Variants in STAT3 observed in about 807,000 individuals in gnomAD.
STAT3 encodes DNA-binding protein APRF.
In STAT3, 7 loss-of-function variants were observed where a neutral mutation model predicts 114.3. The ratio of observed to expected loss-of-function variants is 0.06; its 90% CI spans 0.03 to 0.11. The LOEUF is 0.11. Among genes scored for constraint, STAT3 ranks in the 10% least tolerant of loss-of-function variants. STAT3 has a pLI of 1.00. For synonymous variants in STAT3, 331 were observed against 354.5 expected, an observed-to-expected ratio of 0.93 and a Z score of 0.74; for missense variants, 364 against 960.9, an observed-to-expected ratio of 0.38 and a Z score of 8.21.
In STAT3 at chr17:42,348,380, A is replaced by G. The variant is rs765626029; in HGVS notation, c.128+9T>C. 2.5e-6 allele frequency: 4 copies of G among 1,614,094 alleles called. No homozygotes were observed. The highest frequency in any genetic ancestry group is 1.1e-5 in the South Asian group (1 of 91,078). On this transcript the variant is annotated intron_variant, in intron 2 of 23. Transcript: ENST00000264657. ...TAACAATTTGGAGAGTCACTTAAGA[A>G]GGACTTACCAATCTTGACTCTCAAT...
chr17:42,322,006 G>A (rs2081505024), intron 21 of STAT3, among the ~76,000 whole-genome samples: 1 of 151,910 alleles, frequency 6.6e-6, no homozygotes, highest in African/African-American at 2.4e-5. Context: ...TGGATTTTTT[G>A]TAGAGACGAG....
chr17:42,316,623 G>A, intron 23 of STAT3, 166 bp downstream of exon 23: 1 of 1,520,032 alleles, frequency 6.6e-7, no homozygotes, highest in East Asian at 2.5e-5. Context: ...GCTGCTAGAA[G>A]ATTTATACTC....
intron 1 of STAT3, among the ~76,000 whole-genome samples, chr17:42,364,249 T>C (rs2083663641): frequency 6.6e-6 from 1 of 152,204 alleles, no homozygotes; most frequent in South Asian, 2.1e-4. Context: ...TTGGTTATCT[T>C]GAATTTCGAG....
At chr17:42,334,143 C>T in intron 8 of STAT3, 94 bp from the exon 9 acceptor site, 3 of 1,434,468 alleles carry the variant, frequency 2.1e-6, no homozygotes, top group Non-Finnish European at 2.9e-6. Flanking sequence ...ATGGAGACCA[C>T]TACAATAAGA....
chr17:42,388,327 G>A lies in STAT3; in HGVS notation c.-72C>T, dbSNP rs1056312540. On this transcript the variant is annotated 5_prime_UTR_variant, in exon 1 of 24. Coordinates refer to ENST00000264657, the MANE Select transcript of STAT3 (RefSeq NM_139276.3). ...AGGCCGGGGCTGCGCGTGTGCCGGGGACGGGCGGCGAGGCTCCCTCAGGCC... is the reference window on the plus strand; with the variant it reads ...AGGCCGGGGCTGCGCGTGTGCCGGGAACGGGCGGCGAGGCTCCCTCAGGCC... 1 of 1,231,984 alleles carries A rather than the reference G, an allele frequency of 8.1e-7. No individual in the cohort carries two copies. Among genetic ancestry groups the A allele is most frequent in the Non-Finnish European group, 1.0e-6 (1 of 988,202 alleles). 76.3% of individuals were successfully genotyped at this position (1,231,984 alleles called of 1,614,324 possible).
At position 42,331,668 on chromosome 17, in the gene STAT3, C is replaced by T. The variant is rs1015669302; in HGVS notation, c.1050-137G>A. ...GCTGTCTATAATTACAGGCTCACAT[C>T]TATAATCTCAGCACTGTGGGAGGCC... On this transcript the variant is annotated intron_variant, in intron 10 of 23. Transcript: ENST00000264657. The T allele has an allele frequency of 4.1e-6, 3 of 732,260 alleles. No homozygotes were observed. In the African/African-American group the frequency reaches 5.3e-5, roughly 13 times the overall value. The allele number at this position is 732,260 out of a possible 1,614,324, so 45.4% of individuals were successfully genotyped here.
chr17:42,387,694 A>C (rs959728683), intron 1 of STAT3: 1 of 152,066 alleles, frequency 6.6e-6, no homozygotes, highest in Non-Finnish European at 1.5e-5. Context: ...CGGTCTGTCA[A>C]TTTCCCTACA....
intron 1 of STAT3, among the ~76,000 whole-genome samples, chr17:42,366,299 C>T (rs1331332219): frequency 1.3e-5 from 2 of 152,164 alleles, no homozygotes; most frequent in Non-Finnish European, 2.9e-5. Flanking sequence ...TTAACTTCAA[C>T]TCCAGTCTCT....
At chr17:42,316,933 AC>A (rs2081275599) in intron 22 of STAT3, 32 bp from the exon 23 acceptor site, 1 of 1,599,748 alleles carries the variant, frequency 6.3e-7, no homozygotes, top group Admixed American at 1.7e-5. Flanking sequence ...AGGAGGGGAA[AC>A]GGGGGGTTGA....
rs1433202978 is a variant in STAT3, at chr17:42,315,347, A to G, written c.*398T>C. Reference sequence around the variant, plus strand: ...GTGGCCTGTGGCATTTGCTTACAGAAACAGGCAGAAGGATGCCGCAGGCAC... The same window carrying G: ...GTGGCCTGTGGCATTTGCTTACAGAGACAGGCAGAAGGATGCCGCAGGCAC... On this transcript the variant is annotated 3_prime_UTR_variant, in exon 24 of 24. Transcript: ENST00000264657. The G allele has an allele frequency of 1.4e-5, 6 of 415,970 alleles. No individual in the cohort carries two copies. The highest frequency in any genetic ancestry group is 2.2e-5 in the Non-Finnish European group (5 of 225,252). The allele number at this position is 415,970 out of a possible 1,614,324, so 25.8% of individuals were successfully genotyped here.
At chr17:42,322,877 G>T in intron 20 of STAT3, 127 bp downstream of exon 20, 1 of 1,353,484 alleles carries the variant, frequency 7.4e-7, no homozygotes. Context: ...TGTGTTTTGC[G>T]AGTCTGAGTG....
chr17:42,373,287 T>C lies in STAT3; in HGVS notation c.-24+14992A>G, dbSNP rs1311388018. Among the ~76,000 whole-genome samples the C allele has an allele frequency of 4.6e-5, 7 of 151,914 alleles. No homozygotes were observed. The East Asian group carries it at 1.2e-3, about 25-fold the overall frequency. The stretch of plus-strand genomic sequence containing the variant: ...ATCACTTGAACCTGGGAGGCGGAGG[T>C]TGCAGTGAGCCGAGATCATGCCATT... On this transcript the variant is annotated intron_variant, in intron 1 of 23. Transcript: ENST00000264657.
chr17:42,339,176 G>A, intron 5 of STAT3, 138 bp downstream of exon 5: 3 of 799,466 alleles, frequency 3.8e-6, no homozygotes, highest in Admixed American at 4.7e-5. Context: ...GGATCGCTTG[G>A]GCCTGAGAGG....
intron 1 of STAT3, among the ~76,000 whole-genome samples, chr17:42,362,398 G>C (rs948536401): frequency 6.6e-6 from 1 of 152,182 alleles, no homozygotes; most frequent in African/African-American, 2.4e-5. Flanking sequence ...GCTGTTAACT[G>C]TCTCCCAACA....
At chr17:42,329,141 T>TG (rs1254187395) in intron 14 of STAT3, among the ~76,000 whole-genome samples, 1 of 152,128 alleles carries the variant, frequency 6.6e-6, no homozygotes, top group Non-Finnish European at 1.5e-5. Context: ...TTATACCACA[T>TG]GGGTGTGGAG....
At chr17:42,323,507 A>G (rs777461627) in intron 18 of STAT3, 66 bp downstream of exon 18, 33 of 1,587,300 alleles carry the variant, frequency 2.1e-5, no homozygotes, top group Non-Finnish European at 2.3e-5. Flanking sequence ...TTCAAGCCAG[A>G]GCCCTCAACG....
At chr17:42,383,466 G>A (rs1433046758) in intron 1 of STAT3, among the ~76,000 whole-genome samples, 1 of 151,766 alleles carries the variant, frequency 6.6e-6, no homozygotes, top group Non-Finnish European at 1.5e-5. Context: ...GCCTTCCAAA[G>A]TGCTGGGATT....
intron 1 of STAT3, among the ~76,000 whole-genome samples, chr17:42,375,868 T>C (rs1204949357): frequency 6.8e-6 from 1 of 146,220 alleles, no homozygotes; most frequent in Non-Finnish European, 1.5e-5. Flanking sequence ...AAAGAAATAA[T>C]AGAGCCGGGC....
intron 18 of STAT3, 83 bp downstream of exon 18, chr17:42,323,490 C>T (rs1401873731): frequency 8.3e-6 from 13 of 1,568,932 alleles, no homozygotes; most frequent in Non-Finnish European, 1.1e-5. Flanking sequence ...ACCAAGAGTT[C>T]AGGGCCTTCA....
Sources: allele counts gnomAD v4.1 joint callset (sites outside exome capture counted in the v4.1 genomes callset), GRCh38; gene constraint gnomAD v4.1.1; transcripts MANE v1.5; gene names NCBI Gene and HGNC (gene_info 2026-07-23, HGNC 2026-07-21).